DYSF: variants seen among roughly 807,000 people sequenced by gnomAD.
DYSF encodes dysferlin.
Under a neutral mutation model 274.9 loss-of-function variants are expected in DYSF, and 212 were observed. The observed-to-expected ratio is 0.77, with a 90% confidence interval of 0.69 to 0.86. The LOEUF (loss-of-function observed/expected upper bound fraction) is 0.86. Ranked by LOEUF, DYSF falls within the 40% of genes least tolerant of loss-of-function variation. The pLI is 0.00. For missense variants in DYSF, 2,666 were observed against 2,783.2 expected, an observed-to-expected ratio of 0.96 and a Z score of 0.95; for synonymous variants, 1,091 against 1,078.7, an observed-to-expected ratio of 1.01 and a Z score of -0.22.
chr2:71,535,448 G>A (rs1240811040), intron 16 of DYSF, 137 bp downstream of exon 16: 15 of 935,660 alleles, frequency 1.6e-5, no homozygotes, highest in Admixed American at 7.1e-5. Flanking sequence ...CCTTGGGGTA[G>A]CCAGGGATGG....
chr2:71,498,169 G>A (rs56327345), intron 3 of DYSF, among the ~76,000 whole-genome samples: 2,198 of 152,234 alleles, frequency 0.014, 49 homozygotes, highest in African/African-American at 0.05. Context: ...AAAGGCCTGG[G>A]CAAAACTCTT....
intron 30 of DYSF, among the ~76,000 whole-genome samples, chr2:71,587,183 G>T (rs2093098472): frequency 1.3e-5 from 2 of 152,196 alleles, no homozygotes; most frequent in African/African-American, 4.8e-5. Context: ...TTCAGGGCTG[G>T]GCTTGGTGCT....
intron 32 of DYSF, among the ~76,000 whole-genome samples, chr2:71,597,288 A>G (rs1574255598): frequency 6.6e-6 from 1 of 152,182 alleles, no homozygotes; most frequent in African/African-American, 2.4e-5. Flanking sequence ...AGGCCATTGC[A>G]GGATGGAGTA....
chr2:71,570,571 A>C (rs775668544), intron 28 of DYSF, 28 bp from the exon 29 acceptor site: 1 of 1,611,916 alleles, frequency 6.2e-7, no homozygotes, highest in African/African-American at 1.3e-5. Context: ...ACTGCCAAGC[A>C]ATGAGTGACC....
At chr2:71,599,174 C>T (rs1000950296) in intron 33 of DYSF, among the ~76,000 whole-genome samples, 7 of 152,206 alleles carry the variant, frequency 4.6e-5, no homozygotes, top group Non-Finnish European at 7.3e-5. Flanking sequence ...GAGAATCCTC[C>T]ATGTGAGAGC....
intron 30 of DYSF, among the ~76,000 whole-genome samples, chr2:71,583,785 G>A (rs1056756949): frequency 8.5e-5 from 13 of 152,194 alleles, no homozygotes; most frequent in African/African-American, 3.1e-4. Context: ...TTTGTAGGCT[G>A]TGTTTCCCCA....
intron 11 of DYSF, 89 bp downstream of exon 11, chr2:71,520,297 TG>T: frequency 7.0e-7 from 1 of 1,420,922 alleles, no homozygotes; most frequent in Non-Finnish European, 1.0e-6. Context: ...CTGTCCCTCC[TG>T]GGGGTTTTAG....
intron 10 of DYSF, among the ~76,000 whole-genome samples, chr2:71,517,938 C>T (rs1444783068): frequency 6.6e-6 from 1 of 152,142 alleles, no homozygotes; most frequent in East Asian, 1.9e-4. Context: ...TTTGGATTTT[C>T]CCCCACCTCT....
intron 47 of DYSF, 85 bp from the exon 48 acceptor site, chr2:71,667,291 G>A: frequency 6.2e-7 from 1 of 1,603,248 alleles, no homozygotes; most frequent in South Asian, 1.1e-5. Context: ...CTCTTAGGCA[G>A]CCCTGCTCAG....
intron 42 of DYSF, among the ~76,000 whole-genome samples, chr2:71,654,835 T>A (rs1353651180): frequency 6.6e-6 from 1 of 152,016 alleles, no homozygotes; most frequent in East Asian, 1.9e-4. Flanking sequence ...TCCCAGCACT[T>A]TGGGAGGATG....
At position 71,661,286 on chromosome 2, in the gene DYSF, C is replaced by T. The variant is rs545385993; in HGVS notation, c.5003+635C>T. On this transcript the variant is annotated intron_variant, in intron 45 of 55. Transcript: ENST00000410020. ...CATAATTTCCACTTACTCAATTTCC[C>T]CCACTGGTAACCCCTTACTCAATTT... Among the ~76,000 whole-genome samples, 8 of 151,972 alleles carry T rather than the reference C, an allele frequency of 5.3e-5. No homozygotes were observed. In the South Asian group the frequency reaches 1.5e-3, roughly 28 times the overall value.
intron 52 of DYSF, among the ~76,000 whole-genome samples, chr2:71,675,396 C>G (rs966904602): frequency 6.6e-6 from 1 of 152,218 alleles, no homozygotes; most frequent in African/African-American, 2.4e-5. Context: ...TAGATCCATT[C>G]TGCCACTTGG....
At chr2:71,662,301 CA>C (rs2094895607) in intron 45 of DYSF, among the ~76,000 whole-genome samples, 1 of 152,222 alleles carries the variant, frequency 6.6e-6, no homozygotes, top group South Asian at 2.1e-4. Context: ...ACATTGAGCT[CA>C]GCCACTTTAA....
intron 36 of DYSF, among the ~76,000 whole-genome samples, chr2:71,604,690 G>C (rs1424206291): frequency 6.6e-6 from 1 of 152,212 alleles, no homozygotes; most frequent in Non-Finnish European, 1.5e-5. Context: ...ATGGTTTAAG[G>C]ATATCCTCTC....
intron 41 of DYSF, among the ~76,000 whole-genome samples, chr2:71,622,285 C>T (rs1398082813): frequency 6.6e-6 from 1 of 152,044 alleles, no homozygotes; most frequent in East Asian, 1.9e-4. Flanking sequence ...TATAGGAAAA[C>T]AATATTTTTG....
At chr2:71,595,239 A>G (rs2093373465) in intron 32 of DYSF, among the ~76,000 whole-genome samples, 1 of 152,214 alleles carries the variant, frequency 6.6e-6, no homozygotes, top group African/African-American at 2.4e-5. Context: ...ATAATTTTGA[A>G]CAATTTTTCT....
At chr2:71,674,889 C>T (rs1464182822) in intron 52 of DYSF, among the ~76,000 whole-genome samples, 2 of 152,124 alleles carry the variant, frequency 1.3e-5, no homozygotes, top group African/African-American at 4.8e-5. Flanking sequence ...TCTGTGAGAG[C>T]AGTGAGTTCA....
intron 14 of DYSF, among the ~76,000 whole-genome samples, chr2:71,534,637 C>T (rs933894113): frequency 6.6e-6 from 1 of 152,210 alleles, no homozygotes; most frequent in African/African-American, 2.4e-5. Context: ...GCAAAAGAGC[C>T]TTCTGGGCCA....
intron 3 of DYSF, 21 bp from the exon 4 acceptor site, chr2:71,503,193 T>C (rs757540419): frequency 2.5e-6 from 4 of 1,612,116 alleles, no homozygotes; most frequent in Admixed American, 1.7e-5. Context: ...TTTTCTACAT[T>C]TGACTTCTCT....
Sources: allele counts gnomAD v4.1 joint callset (sites outside exome capture counted in the v4.1 genomes callset), GRCh38; gene constraint gnomAD v4.1.1; transcripts MANE v1.5; gene names NCBI Gene and HGNC (gene_info 2026-07-23, HGNC 2026-07-21).